The following AFG1L variants were observed in gnomAD, a reference collection of about 807,000 sequenced individuals.
AFG1L encodes the protein AFG1 like ATPase.
A neutral mutation model predicts 62.2 loss-of-function variants in AFG1L; 53 were observed. The ratio of observed to expected loss-of-function variants is 0.85; its 90% CI spans 0.68 to 1.07. The LOEUF (loss-of-function observed/expected upper bound fraction) is 1.07, where lower values mean the gene tolerates loss of function less well. Ranked by LOEUF, AFG1L falls within the 50% of genes least tolerant of loss-of-function variation. The pLI, the probability that AFG1L is intolerant of heterozygous loss-of-function variation, is 0.00. For synonymous variants in AFG1L, 228 were observed against 210.3 expected (o/e 1.08, Z -0.73); for missense variants, 555 against 590.5 (o/e 0.94, Z 0.62).
intron 1 of AFG1L, among the ~76,000 whole-genome samples, chr6:108,322,901 G>A (rs1582589087): frequency 6.6e-6 from 1 of 152,060 alleles, no homozygotes; most frequent in African/African-American, 2.4e-5. Context: ...GTTGGACCTC[G>A]CCACAATCAT....
At chr6:108,437,995 C>T (rs1357166117) in intron 7 of AFG1L, among the ~76,000 whole-genome samples, 1 of 152,154 alleles carries the variant, frequency 6.6e-6, no homozygotes, top group African/African-American at 2.4e-5. Flanking sequence ...TTTCTTTTGG[C>T]TGTGGCTGCA....
At chr6:108,319,715 C>A in intron 1 of AFG1L, 1 of 380,584 alleles carries the variant, frequency 2.6e-6, no homozygotes, top group Non-Finnish European at 5.2e-6. Context: ...TTCAAGGGAT[C>A]CTCCTGCCTC....
intron 5 of AFG1L, among the ~76,000 whole-genome samples, chr6:108,363,298 C>G (rs2114487455): frequency 6.6e-6 from 1 of 152,040 alleles, no homozygotes; most frequent in South Asian, 2.1e-4. Context: ...CAAGAGTTTG[C>G]TGTACTGATT....
At chr6:108,366,123 G>T (rs918965097) in intron 5 of AFG1L, 110 bp from the exon 6 acceptor site, 9 of 607,932 alleles carry the variant, frequency 1.5e-5, no homozygotes, top group African/African-American at 1.3e-4. Flanking sequence ...ATGATAATTA[G>T]AATTTTTCTC....
intron 3 of AFG1L, among the ~76,000 whole-genome samples, chr6:108,350,851 G>A (rs912828797): frequency 5.3e-5 from 8 of 152,192 alleles, no homozygotes; most frequent in Admixed American, 2.0e-4. Context: ...GTGAAAGGTA[G>A]GCTGGTTTTA....
At chr6:108,496,295 G>C (rs1390272140) in intron 10 of AFG1L, among the ~76,000 whole-genome samples, 1 of 152,176 alleles carries the variant, frequency 6.6e-6, no homozygotes, top group Non-Finnish European at 1.5e-5. Context: ...ATTTAATACA[G>C]TGCCTCATAT....
At chr6:108,342,998 G>T (rs1190581276) in intron 2 of AFG1L, among the ~76,000 whole-genome samples, 1 of 151,518 alleles carries the variant, frequency 6.6e-6, no homozygotes, top group Non-Finnish European at 1.5e-5. Flanking sequence ...TTGCTAAAGT[G>T]CTCTTTATAA....
intron 8 of AFG1L, among the ~76,000 whole-genome samples, chr6:108,469,444 C>T (rs1279733713): frequency 5.9e-5 from 9 of 152,020 alleles, no homozygotes; most frequent in Non-Finnish European, 1.2e-4. Context: ...GTTAAATCTA[C>T]CCCAGCTGCT....
intron 6 of AFG1L, among the ~76,000 whole-genome samples, chr6:108,383,971 G>A (rs1022226357): frequency 7.3e-5 from 11 of 150,156 alleles, no homozygotes; most frequent in Admixed American, 6.0e-4. Flanking sequence ...TTCAGTATAT[G>A]TAAGGCCATA....
intron 10 of AFG1L, among the ~76,000 whole-genome samples, chr6:108,500,732 C>T (rs1001906416): frequency 3.9e-5 from 6 of 152,218 alleles, no homozygotes; most frequent in African/African-American, 1.4e-4. Context: ...AATCTCCATA[C>T]TGTTTCCATG....
At chr6:108,323,741 G>A in intron 1 of AFG1L, 84 bp from the exon 2 acceptor site, 1 of 930,646 alleles carries the variant, frequency 1.1e-6, no homozygotes, top group South Asian at 1.6e-5. Flanking sequence ...CTAGTTAAAA[G>A]TTTGAATTTG....
At chr6:108,381,947 C>G (rs1383218752) in intron 6 of AFG1L, among the ~76,000 whole-genome samples, 9 of 151,448 alleles carry the variant, frequency 5.9e-5, no homozygotes, top group Non-Finnish European at 1.3e-4. Context: ...GCTGACTGAC[C>G]CTAGAACTGT....
chr6:108,494,760 TTTTTC>T (rs1039767266), intron 10 of AFG1L, among the ~76,000 whole-genome samples: 2 of 151,934 alleles, frequency 1.3e-5, no homozygotes, highest in Non-Finnish European at 2.9e-5. Context: ...TTTCTTTCTT[TTTTTC>T]TTTTCTTTTC....
intron 10 of AFG1L, among the ~76,000 whole-genome samples, chr6:108,493,427 A>G (rs1279476937): frequency 6.6e-6 from 1 of 152,156 alleles, no homozygotes; most frequent in Non-Finnish European, 1.5e-5. Flanking sequence ...TGCCCCTCAC[A>G]CTACAGTTAA....
intron 7 of AFG1L, among the ~76,000 whole-genome samples, chr6:108,440,090 A>G (rs1771475558): frequency 6.6e-6 from 1 of 152,226 alleles, no homozygotes; most frequent in South Asian, 2.1e-4. Context: ...TTTCTGAGAA[A>G]GGGGTATTCA....
At chr6:108,490,173 A>G (rs1773720895) in intron 10 of AFG1L, among the ~76,000 whole-genome samples, 1 of 152,236 alleles carries the variant, frequency 6.6e-6, no homozygotes, top group Non-Finnish European at 1.5e-5. Flanking sequence ...ATCCTGGTCA[A>G]CATGGTAAAA....
At chr6:108,431,098 C>T (rs1039903715) in intron 7 of AFG1L, among the ~76,000 whole-genome samples, 7 of 133,278 alleles carry the variant, frequency 5.3e-5, no homozygotes, top group African/African-American at 2.2e-4. Context: ...GATTTTTATT[C>T]TTTATAATTT....
chr6:108,338,198 G>T (rs184741013), intron 2 of AFG1L, among the ~76,000 whole-genome samples: 287 of 152,164 alleles, frequency 1.9e-3, no homozygotes, highest in African/African-American at 6.6e-3. Context: ...AAAAACAAAA[G>T]AATCATTTTG....
chr6:108,475,967 T>C (rs1446300102), intron 8 of AFG1L, among the ~76,000 whole-genome samples: 2 of 152,240 alleles, frequency 1.3e-5, no homozygotes, highest in Non-Finnish European at 2.9e-5. Flanking sequence ...AAGAGTGATC[T>C]GTGTGTCAAA....
Sources: gnomAD v4.1 joint callset for allele counts (sites outside exome capture counted in the v4.1 genomes callset) on GRCh38, gnomAD v4.1.1 for gene constraint, MANE v1.5 for transcripts, NCBI Gene and HGNC (gene_info 2026-07-23, HGNC 2026-07-21) for gene names.